The following OPCML variants were observed in gnomAD, a reference collection of about 807,000 sequenced individuals.
OPCML encodes opioid-binding protein/cell adhesion molecule.
Under a neutral mutation model 37.8 loss-of-function variants are expected in OPCML, and 13 were observed. The observed-to-expected ratio is 0.34, with a 90% CI of 0.22 to 0.55. The LOEUF (loss-of-function observed/expected upper bound fraction) is 0.55, where lower values mean the gene tolerates loss of function less well. OPCML is among the 20% of genes least tolerant of loss of function. The pLI is 0.91. For missense variants in OPCML, 341 were observed against 435.6 expected (o/e 0.78, Z 1.93); for synonymous variants, 176 against 168.8 (o/e 1.04, Z -0.33).
chr11:133,016,940 A>C (rs1947345426), intron 1 of OPCML, among the ~76,000 whole-genome samples: 1 of 152,334 alleles, frequency 6.6e-6, no homozygotes, highest in South Asian at 2.1e-4. Context: ...ATAAGTCAGA[A>C]TCTTTGAGGG....
chr11:133,023,390 C>T (rs76367059), intron 1 of OPCML, among the ~76,000 whole-genome samples: 7 of 151,960 alleles, frequency 4.6e-5, no homozygotes, highest in South Asian at 2.1e-4. Context: ...AAGCACTTCA[C>T]GATGCTCGGG....
At chr11:132,737,828 G>A (rs558099051) in intron 2 of OPCML, among the ~76,000 whole-genome samples, 9 of 152,302 alleles carry the variant, frequency 5.9e-5, no homozygotes, top group African/African-American at 1.4e-4. Context: ...AGGATTCAGT[G>A]AAATGGGAAA....
chr11:132,533,080 T>G (rs1591516823), intron 3 of OPCML, among the ~76,000 whole-genome samples: 1 of 152,142 alleles, frequency 6.6e-6, no homozygotes, highest in South Asian at 2.1e-4. Context: ...AATAATAACC[T>G]TATCTGAAAT....
chr11:133,358,792 C>A (rs1268978480), intron 1 of OPCML, among the ~76,000 whole-genome samples: 1 of 151,790 alleles, frequency 6.6e-6, no homozygotes, highest in Non-Finnish European at 1.5e-5. Context: ...TTGAGCAGAG[C>A]CCTGAATGGG....
At chr11:133,351,342 C>A (rs1944132622) in intron 1 of OPCML, among the ~76,000 whole-genome samples, 1 of 152,144 alleles carries the variant, frequency 6.6e-6, no homozygotes, top group African/African-American at 2.4e-5. Context: ...CTGCAGTTAT[C>A]AAGGTCATCA....
intron 3 of OPCML, among the ~76,000 whole-genome samples, chr11:132,656,165 C>T (rs1369355269): frequency 6.6e-6 from 1 of 152,082 alleles, no homozygotes; most frequent in Non-Finnish European, 1.5e-5. Flanking sequence ...TCATTCCTGC[C>T]GTGAGCCAAC....
chr11:132,435,916 T>A (rs900461962), intron 7 of OPCML, among the ~76,000 whole-genome samples, 170 bp downstream of exon 7: 2 of 152,224 alleles, frequency 1.3e-5, no homozygotes, highest in African/African-American at 4.8e-5. Flanking sequence ...TGTAACTATC[T>A]CTGCATGGCA....
rs571650614 is a variant in OPCML, at chr11:132,420,137, A to G, written c.*56T>C. 1 of 1,504,724 alleles carries G rather than the reference A, an allele frequency of 6.6e-7. No homozygotes were observed. The highest frequency in any genetic ancestry group is 1.4e-5 in the African/African-American group (1 of 72,644). 93.2% of individuals were successfully genotyped at this position (1,504,724 alleles called of 1,614,324 possible). A position where few individuals can be genotyped will look rare whatever the true frequency, so the allele number is the denominator to read the frequency against. ...AGCTGGTTTGCTCTCCGCAGTGTAG[A>G]TTAAAGTCTGTGATATGGAGAAGCA... On this transcript the variant is annotated 3_prime_UTR_variant, in exon 8 of 8. Coordinates refer to ENST00000524381, the MANE Select transcript of OPCML (RefSeq NM_001012393.5).
Position 133,433,251 on chromosome 11 carries a change from C to CAAAAAAA in OPCML, c.61+99006_61+99012dup, listed in dbSNP as rs71477795. Among the ~76,000 whole-genome samples the CAAAAAAA allele has an allele frequency of 6.6e-5, 6 of 90,728 alleles. 1 individual carries two copies. The highest frequency in any genetic ancestry group is 2.3e-4 in the African/African-American group (5 of 21,810). The allele number at this position is 90,728 out of a possible 152,430, so 59.5% of individuals were successfully genotyped here. A position where few individuals can be genotyped will look rare whatever the true frequency, so the allele number is the denominator to read the frequency against. On this transcript the variant is annotated intron_variant, in intron 1 of 7. Coordinates refer to ENST00000524381, the MANE Select transcript of OPCML (RefSeq NM_001012393.5). ...TGGGCGACAGAGCGAGACTCCGTCT[C>CAAAAAAA]AAAAAAAAAAAAAAAAAAATATTAC...
At chr11:132,978,933 C>T (rs1946524553) in intron 1 of OPCML, among the ~76,000 whole-genome samples, 1 of 152,120 alleles carries the variant, frequency 6.6e-6, no homozygotes, top group Non-Finnish European at 1.5e-5. Context: ...TGAACATGTG[C>T]AAACCCCAAC....
intron 1 of OPCML, among the ~76,000 whole-genome samples, chr11:133,111,817 T>C (rs558982337): frequency 6.6e-6 from 1 of 152,310 alleles, no homozygotes; most frequent in South Asian, 2.1e-4. Context: ...TCCTAGGGAA[T>C]TGCACTGAGA....
At chr11:132,663,247 G>A (rs1942063290) in intron 2 of OPCML, among the ~76,000 whole-genome samples, 1 of 152,202 alleles carries the variant, frequency 6.6e-6, no homozygotes, top group Non-Finnish European at 1.5e-5. Flanking sequence ...CCAGGAGCTA[G>A]TAGGTCATCA....
rs531606016 is a variant in OPCML at position 132,431,396 on chromosome 11, C to T, written c.916+4690G>A. On this transcript the variant is annotated intron_variant, in intron 7 of 7. Transcript: ENST00000524381. ...CGTGTTCCTTGCTGCTGGCGTTGACCGCCTTTCCACATCGGGCCACTTTTC... is the reference window on the plus strand; with the variant it reads ...CGTGTTCCTTGCTGCTGGCGTTGACTGCCTTTCCACATCGGGCCACTTTTC... Among the ~76,000 whole-genome samples, 21 of 152,312 alleles carry T rather than the reference C, an allele frequency of 1.4e-4. No homozygotes were observed. In the South Asian group the frequency reaches 2.5e-3, roughly 18 times the overall value.
intron 3 of OPCML, among the ~76,000 whole-genome samples, chr11:132,631,521 A>G (rs756301840): frequency 2.2e-4 from 33 of 150,944 alleles, no homozygotes; most frequent in Non-Finnish European, 3.7e-4. Context: ...GTGCAGTGGC[A>G]AGATCTCGGC....
intron 2 of OPCML, among the ~76,000 whole-genome samples, chr11:132,696,473 GTATTCTTA>G: frequency 6.6e-6 from 1 of 152,140 alleles, no homozygotes; most frequent in Admixed American, 6.5e-5. Flanking sequence ...CCTCTAATTG[GTATTCTTA>G]GAGATTTAAG....
At chr11:133,529,234 G>A (rs887841080) in intron 1 of OPCML, among the ~76,000 whole-genome samples, 5 of 152,216 alleles carry the variant, frequency 3.3e-5, no homozygotes, top group Admixed American at 2.0e-4. Context: ...CGTCTGAGAC[G>A]AGGACAGGGA....
intron 2 of OPCML, among the ~76,000 whole-genome samples, chr11:132,767,625 C>G (rs1157148288): frequency 2.0e-5 from 3 of 152,140 alleles, no homozygotes; most frequent in African/African-American, 7.2e-5. Flanking sequence ...ACTAGTTGAG[C>G]CATATGCTTA....
intron 2 of OPCML, among the ~76,000 whole-genome samples, chr11:132,762,131 T>A (rs1455719170): frequency 6.6e-6 from 1 of 152,210 alleles, no homozygotes; most frequent in African/African-American, 2.4e-5. Flanking sequence ...CTGGGTATCA[T>A]CAGCGGGAGC....
intron 4 of OPCML, among the ~76,000 whole-genome samples, chr11:132,513,546 C>A (rs574851937): frequency 6.6e-6 from 1 of 152,254 alleles, no homozygotes; most frequent in South Asian, 2.1e-4. Context: ...ATACTTTATG[C>A]TTCAATAAGA....
Sources: allele counts gnomAD v4.1 joint callset (sites outside exome capture counted in the v4.1 genomes callset), GRCh38; gene constraint gnomAD v4.1.1; transcripts MANE v1.5; gene names NCBI Gene and HGNC (gene_info 2026-07-23, HGNC 2026-07-21).